FTCDNL1: variants seen among roughly 807,000 people sequenced by gnomAD.
The protein encoded by FTCDNL1 is formiminotransferase N-terminal subdomain-containing protein.
FTCDNL1 carries 11 observed loss-of-function variants against 5.9 expected under a neutral mutation model. The observed-to-expected ratio is 1.87, with a 90% CI of 1.18 to 3.10. The LOEUF is 3.10. Among genes scored for constraint, FTCDNL1 ranks in the 30% most tolerant of loss-of-function variants. The pLI, the probability that FTCDNL1 is intolerant of heterozygous loss-of-function variation, is 0.00. For missense variants in FTCDNL1, 115 were observed against 65.5 expected (o/e 1.76, Z -2.61); for synonymous variants, 58 against 24.8 (o/e 2.34, Z -3.99).
At chr2:199,734,895 A>T in the FTCDNL1 span, among the ~76,000 whole-genome samples, 1 of 152,160 alleles carries the variant, frequency 6.6e-6, no homozygotes, top group Non-Finnish European at 1.5e-5. Flanking sequence ...GGGTTTAAAA[A>T]ATTATGGGGA....
At chr2:199,849,556 T>G (rs1196837746) in intron 1 of FTCDNL1, among the ~76,000 whole-genome samples, 1 of 152,066 alleles carries the variant, frequency 6.6e-6, no homozygotes, top group Non-Finnish European at 1.5e-5. Flanking sequence ...CTAAATCAGT[T>G]TAAAGTCTTT....
At chr2:199,819,443 A>T (rs1701547909) in intron 4 of FTCDNL1, 129 bp downstream of exon 4, 1 of 615,662 alleles carries the variant, frequency 1.6e-6, no homozygotes, top group Non-Finnish European at 2.9e-6. Context: ...CAGAAAGGAG[A>T]GCCTCACCCA....
chr2:199,677,304 C>A, the FTCDNL1 span, among the ~76,000 whole-genome samples: 1 of 152,188 alleles, frequency 6.6e-6, no homozygotes, highest in Non-Finnish European at 1.5e-5. Context: ...TGCCACACAG[C>A]TACTTGCTGA....
At chr2:199,767,169 T>C (rs938755663) in intron 3 of FTCDNL1, among the ~76,000 whole-genome samples, 1 of 152,240 alleles carries the variant, frequency 6.6e-6, no homozygotes, top group Non-Finnish European at 1.5e-5. Context: ...AATAATCTTT[T>C]AGAAAACAAA....
the FTCDNL1 span, among the ~76,000 whole-genome samples, chr2:199,735,900 G>T: frequency 6.7e-6 from 1 of 149,380 alleles, no homozygotes; most frequent in African/African-American, 2.4e-5. Context: ...TTCCCTCAAA[G>T]ACTCACATAC....
chr2:199,735,517 C>T, the FTCDNL1 span, among the ~76,000 whole-genome samples: 1 of 151,874 alleles, frequency 6.6e-6, no homozygotes, highest in African/African-American at 2.4e-5. Context: ...TAAATTAGTA[C>T]GGGGTCCTAT....
At chr2:199,719,737 C>A in the FTCDNL1 span, among the ~76,000 whole-genome samples, 1 of 151,944 alleles carries the variant, frequency 6.6e-6, no homozygotes, top group African/African-American at 2.4e-5. Flanking sequence ...TGGGCTCAAG[C>A]GATTCTCCCA....
chr2:199,832,013 T>C (rs1473285936), intron 3 of FTCDNL1, among the ~76,000 whole-genome samples: 1 of 152,180 alleles, frequency 6.6e-6, no homozygotes, highest in African/African-American at 2.4e-5. Context: ...GAGATACAGA[T>C]ACAAGTATTC....
chr2:199,827,921 T>C (rs1044184833), intron 3 of FTCDNL1, among the ~76,000 whole-genome samples: 7 of 152,180 alleles, frequency 4.6e-5, no homozygotes, highest in Non-Finnish European at 8.8e-5. Flanking sequence ...AAATACATCA[T>C]GGAAGAAATC....
At chr2:199,804,785 C>T (rs1700638243), downstream of FTCDNL1, among the ~76,000 whole-genome samples, 1 of 152,182 alleles carries the variant, frequency 6.6e-6, no homozygotes, top group South Asian at 2.1e-4. Flanking sequence ...TTGTTTCTGA[C>T]AGAAGCCAGT....
chr2:199,846,804 C>T (rs909625024), intron 2 of FTCDNL1, among the ~76,000 whole-genome samples: 5 of 152,178 alleles, frequency 3.3e-5, no homozygotes, highest in Non-Finnish European at 7.3e-5. Context: ...CCTTGTGTGG[C>T]AGCCATACAT....
intron 1 of FTCDNL1, among the ~76,000 whole-genome samples, chr2:199,850,410 A>G (rs1428858535): frequency 6.6e-6 from 1 of 152,234 alleles, no homozygotes; most frequent in Non-Finnish European, 1.5e-5. Flanking sequence ...GGCAACCCCT[A>G]ACAGTGCAAA....
At chr2:199,760,421 T>C (rs1291514977), downstream of FTCDNL1, 1 of 174,096 alleles carries the variant, frequency 5.7e-6, no homozygotes, top group African/African-American at 2.4e-5. Context: ...GGGACTGGAA[T>C]CTACTTTTCC....
chr2:199,744,202 T>A, the FTCDNL1 span, among the ~76,000 whole-genome samples: 1 of 152,202 alleles, frequency 6.6e-6, no homozygotes, highest in East Asian at 1.9e-4. Flanking sequence ...ACCTCCAACC[T>A]GAGATGGACT....
the FTCDNL1 span, among the ~76,000 whole-genome samples, chr2:199,753,415 C>T: frequency 6.6e-5 from 10 of 152,112 alleles, no homozygotes; most frequent in African/African-American, 1.4e-4. Flanking sequence ...GCTGCCCTGC[C>T]GAGGATGGTG....
chr2:199,806,752 C>T (rs1700745415), downstream of FTCDNL1, among the ~76,000 whole-genome samples: 1 of 152,112 alleles, frequency 6.6e-6, no homozygotes, highest in Non-Finnish European at 1.5e-5. Flanking sequence ...ATGACAACTC[C>T]CCCTCTCCCC....
At chr2:199,830,141 G>GT (rs982753342) in intron 3 of FTCDNL1, among the ~76,000 whole-genome samples, 9 of 151,662 alleles carry the variant, frequency 5.9e-5, no homozygotes, top group African/African-American at 1.5e-4. Context: ...ATATAGCCAA[G>GT]TTTTTTTTAT....
At chr2:199,760,866 TG>T (rs1225249768) in intron 3 of FTCDNL1, 2 of 702,252 alleles carry the variant, frequency 2.8e-6, no homozygotes, top group East Asian at 2.7e-5. Context: ...GATTAGTATT[TG>T]GAAGAGAAAG....
At chr2:199,710,015 C>T in the FTCDNL1 span, among the ~76,000 whole-genome samples, 1 of 151,924 alleles carries the variant, frequency 6.6e-6, no homozygotes, top group African/African-American at 2.4e-5. Flanking sequence ...TATTTGAAAC[C>T]CCAAAATTAA....
Sources: allele counts gnomAD v4.1 joint callset (sites outside exome capture counted in the v4.1 genomes callset), GRCh38; gene constraint gnomAD v4.1.1; transcripts MANE v1.5; gene names NCBI Gene and HGNC (gene_info 2026-07-23, HGNC 2026-07-21).